Variants in DLGAP2 observed in about 807,000 individuals in gnomAD.
DLGAP2 encodes disks large-associated protein 2.
In DLGAP2, 26 loss-of-function variants were observed where a neutral mutation model predicts 100.3. The ratio of observed to expected loss-of-function variants is 0.26; its 90% CI spans 0.19 to 0.36. The LOEUF (loss-of-function observed/expected upper bound fraction) is 0.36. DLGAP2 is among the 10% of genes least tolerant of loss of function. The pLI, the probability that DLGAP2 is intolerant of heterozygous loss-of-function variation, is 1.00. For synonymous variants in DLGAP2, 886 were observed against 630.1 expected (o/e 1.41, Z -6.08); for missense variants, 1,858 against 1,453.2 (o/e 1.28, Z -4.53).
chr8:1,536,727 C>T (rs1801165174), intron 4 of DLGAP2, among the ~76,000 whole-genome samples: 1 of 152,206 alleles, frequency 6.6e-6, no homozygotes, highest in African/African-American at 2.4e-5. Flanking sequence ...ATTTTGTCTC[C>T]CTTTTGCCCA....
chr8:1,362,008 C>G (rs920164423), intron 3 of DLGAP2, among the ~76,000 whole-genome samples: 3 of 152,126 alleles, frequency 2.0e-5, no homozygotes, highest in Non-Finnish European at 4.4e-5. Flanking sequence ...GTGGAATGGC[C>G]CCTTCCGTGC....
At chr8:1,686,990 T>A (rs892701663) in intron 12 of DLGAP2, among the ~76,000 whole-genome samples, 2 of 152,078 alleles carry the variant, frequency 1.3e-5, no homozygotes, top group African/African-American at 2.4e-5. Context: ...CCCAATAATA[T>A]GTACAACTGT....
At chr8:988,346 C>G (rs1268350244) in intron 2 of DLGAP2, among the ~76,000 whole-genome samples, 3 of 152,212 alleles carry the variant, frequency 2.0e-5, no homozygotes, top group Non-Finnish European at 4.4e-5. Context: ...CCCTGTAAGT[C>G]TCTTGGCAAA....
chr8:1,095,146 C>T (rs868151982), intron 2 of DLGAP2, among the ~76,000 whole-genome samples: 1 of 152,208 alleles, frequency 6.6e-6, no homozygotes, highest in South Asian at 2.1e-4. Context: ...AGTGAGACAG[C>T]CTGGTGCTCC....
intron 2 of DLGAP2, among the ~76,000 whole-genome samples, chr8:1,223,748 C>T (rs913074815): frequency 1.3e-5 from 2 of 152,084 alleles, no homozygotes; most frequent in African/African-American, 4.8e-5. Context: ...TTTGGTTTTC[C>T]CTAAGGGAAG....
At chr8:815,258 C>A (rs907306462) in intron 1 of DLGAP2, among the ~76,000 whole-genome samples, 2 of 152,168 alleles carry the variant, frequency 1.3e-5, no homozygotes, top group African/African-American at 2.4e-5. Flanking sequence ...CAGGGTAGTG[C>A]CCTGTGTCTG....
intron 3 of DLGAP2, among the ~76,000 whole-genome samples, chr8:1,491,666 A>G (rs1799395923): frequency 6.6e-6 from 1 of 152,270 alleles, no homozygotes; most frequent in African/African-American, 2.4e-5. Flanking sequence ...TGTAGAAAAT[A>G]TAAGTAGGTG....
chr8:1,428,508 G>C (rs886439453), intron 3 of DLGAP2, among the ~76,000 whole-genome samples: 1 of 152,084 alleles, frequency 6.6e-6, no homozygotes, highest in Admixed American at 6.5e-5. Flanking sequence ...ATATATTCTT[G>C]GTAACAAAAC....
At chr8:1,522,558 G>A (rs554262270) in intron 4 of DLGAP2, among the ~76,000 whole-genome samples, 5 of 152,294 alleles carry the variant, frequency 3.3e-5, no homozygotes, top group South Asian at 4.1e-4. Flanking sequence ...ACTTCCTTAC[G>A]TCTTGGTTTT....
At chr8:1,493,156 C>T (rs1461004141) in intron 3 of DLGAP2, among the ~76,000 whole-genome samples, 1 of 152,206 alleles carries the variant, frequency 6.6e-6, no homozygotes, top group African/African-American at 2.4e-5. Flanking sequence ...AGCAAGAACT[C>T]GGGGAGAAGA....
At chr8:858,563 TGCTGTCACCGTGGGGACATGTGTGAC>T (rs1563066845) in intron 1 of DLGAP2, among the ~76,000 whole-genome samples, 9 of 151,226 alleles carry the variant, frequency 6.0e-5, no homozygotes, top group African/African-American at 1.2e-4. Flanking sequence ...ACATGTGTGA[TGCTGTCACCGTGGGGACATGTGTGAC>T]GCTGTCACCG....
rs1802116699 is a variant in DLGAP2, at chr8:1,366,721, C to A, written c.106+107838C>A. On this transcript the variant is annotated intron_variant, in intron 3 of 14. Coordinates refer to ENST00000637795, the MANE Select transcript of DLGAP2 (RefSeq NM_001346810.2). ...GGAAGTGGAAAGAGATGCCTGCACC[C>A]CACAAGGATGGAGAGCAGGCATCAT... Among the ~76,000 whole-genome samples the A allele has an allele frequency of 2.0e-5, 3 of 152,090 alleles. 1 individual carries two copies. In the South Asian group the frequency reaches 6.2e-4, roughly 32 times the overall value.
At chr8:1,012,906 T>C (rs1402917498) in intron 2 of DLGAP2, among the ~76,000 whole-genome samples, 1 of 152,102 alleles carries the variant, frequency 6.6e-6, no homozygotes, top group Non-Finnish European at 1.5e-5. Flanking sequence ...GTCGTGTGCC[T>C]GGCGATTGCA....
intron 1 of DLGAP2, among the ~76,000 whole-genome samples, chr8:854,542 A>C (rs138022748): frequency 2.0e-3 from 297 of 151,696 alleles, no homozygotes; most frequent in African/African-American, 6.7e-3. Context: ...CCGGACTGAC[A>C]TGTGTGTTCA....
At chr8:1,410,670 T>C (rs1012127089) in intron 3 of DLGAP2, among the ~76,000 whole-genome samples, 1 of 152,190 alleles carries the variant, frequency 6.6e-6, no homozygotes, top group Admixed American at 6.5e-5. Context: ...TAAGTGTGTT[T>C]CACGCACGGC....
intron 1 of DLGAP2, among the ~76,000 whole-genome samples, chr8:846,550 G>C (rs1343075395): frequency 6.6e-6 from 1 of 152,168 alleles, no homozygotes; most frequent in African/African-American, 2.4e-5. Flanking sequence ...TGTGACAGTT[G>C]GGTTGGTCCC....
chr8:1,610,185 T>C (rs1291709954), intron 6 of DLGAP2, among the ~76,000 whole-genome samples: 2 of 152,102 alleles, frequency 1.3e-5, no homozygotes, highest in Admixed American at 6.5e-5. Context: ...TATAACAAAC[T>C]ATCTCTCAGA....
At chr8:1,306,396 T>C (rs1800492934) in intron 3 of DLGAP2, among the ~76,000 whole-genome samples, 1 of 152,046 alleles carries the variant, frequency 6.6e-6, no homozygotes, top group Non-Finnish European at 1.5e-5. Context: ...GGAGAGAGGC[T>C]GTACACTGAA....
rs200576364 is a variant in DLGAP2, at chr8:1,237,441, G to T, written c.74-21410G>T. On this transcript the variant is annotated intron_variant, in intron 2 of 14. Transcript: ENST00000637795. The stretch of plus-strand genomic sequence containing the variant: ...GGTGCCGTGTCTAGTTCTCTCACAT[G>T]GCGCCGTGTCTAGTTACCTCTCACA... 9.4e-4 allele frequency among the ~76,000 whole-genome samples: 129 copies of T among 136,948 alleles called. 1 individual carries two copies. In the East Asian group the frequency reaches 0.016, roughly 17 times the overall value. 89.8% of individuals were successfully genotyped at this position (136,948 alleles called of 152,430 possible).
Sources: allele counts gnomAD v4.1 joint callset (sites outside exome capture counted in the v4.1 genomes callset), GRCh38; gene constraint gnomAD v4.1.1; transcripts MANE v1.5; gene names NCBI Gene and HGNC (gene_info 2026-07-23, HGNC 2026-07-21).